Variants in CADPS observed in about 807,000 individuals in gnomAD.
The protein encoded by CADPS is calcium-dependent secretion activator 1.
A neutral mutation model predicts 167.3 loss-of-function variants in CADPS; 57 were observed. The observed-to-expected ratio is 0.34, with a 90% CI of 0.28 to 0.42. The LOEUF is 0.42. Ranked by LOEUF, CADPS falls within the 20% of genes least tolerant of loss-of-function variation. CADPS has a pLI of 1.00. For missense variants in CADPS, 1,414 were observed against 1,738.1 expected (o/e 0.81, Z 3.32); for synonymous variants, 676 against 635.3 (o/e 1.06, Z -0.96).
At chr3:62,491,540 CACACACACACACACACAA>C (rs928658703) in intron 20 of CADPS, 60 bp from the exon 21 acceptor site, 25 of 1,025,684 alleles carry the variant, frequency 2.4e-5, no homozygotes, top group Non-Finnish European at 3.1e-5. Flanking sequence ...ACGTACAACA[CACACACACACACACACAA>C]ACACACACAC....
intron 28 of CADPS, among the ~76,000 whole-genome samples, chr3:62,416,177 G>A (rs1359169147): frequency 6.6e-6 from 1 of 152,138 alleles, no homozygotes. Flanking sequence ...AGGTGACGGT[G>A]GGGTGGATTT....
At chr3:62,803,396 T>TCCTCTCA (rs1221521861) in intron 1 of CADPS, among the ~76,000 whole-genome samples, 10 of 151,492 alleles carry the variant, frequency 6.6e-5, no homozygotes, top group African/African-American at 2.4e-4. Context: ...GCTCACCTCT[T>TCCTCTCA]CCTCAGGGCT....
At chr3:62,576,034 G>T (rs2082200149) in intron 8 of CADPS, among the ~76,000 whole-genome samples, 1 of 152,174 alleles carries the variant, frequency 6.6e-6, no homozygotes, top group Admixed American at 6.5e-5. Context: ...CATTAAATAG[G>T]ATACACAGTA....
Position 62,399,353 on chromosome 3 carries a change from G to T in CADPS, c.*53C>A. 6.4e-7 allele frequency: 1 copy of T among 1,554,800 alleles called. No individual in the cohort carries two copies. The highest frequency in any genetic ancestry group is 8.9e-7 in the Non-Finnish European group (1 of 1,129,156). ...CTAATGGGTTTAACTAACAGACTAA[G>T]GACATGCACTGATTACAGGACTCTG... On this transcript the variant is annotated 3_prime_UTR_variant, in exon 30 of 30. Transcript: ENST00000383710. The surrounding 1 kb of genome is among the most constrained non-coding windows in gnomAD (Gnocchi z 5.6).
intron 8 of CADPS, among the ~76,000 whole-genome samples, chr3:62,577,975 G>C (rs1049700764): frequency 6.6e-6 from 1 of 152,064 alleles, no homozygotes; most frequent in African/African-American, 2.4e-5. Context: ...AAAATAAAAA[G>C]CAAGGATGAC....
At chr3:62,477,909 G>T (rs927565478) in intron 23 of CADPS, 110 of 204,336 alleles carry the variant, frequency 5.4e-4, no homozygotes, top group Admixed American at 3.0e-3. Context: ...CCTTCTAATT[G>T]TCCACTCAGG....
rs2078766214 is a variant in CADPS, at chr3:62,559,496, GA to G, written c.1645-1984del. On this transcript the variant is annotated intron_variant, in intron 9 of 29. Transcript: ENST00000383710. Reference sequence around the variant, plus strand: ...GATACTGCTGGAACGGTCCCATGGGGAATTTTTTTTTTTTTTAGATGGAGTT... The same window carrying G: ...GATACTGCTGGAACGGTCCCATGGGGATTTTTTTTTTTTTTAGATGGAGTT... Among the ~76,000 whole-genome samples, 2 of 151,702 alleles carry G rather than the reference GA, an allele frequency of 1.3e-5. 1 individual carries two copies. Among genetic ancestry groups the G allele is most frequent in the South Asian group, 4.2e-4 (2 of 4,798 alleles).
intron 2 of CADPS, among the ~76,000 whole-genome samples, chr3:62,756,328 A>C (rs1166167146): frequency 6.6e-6 from 1 of 152,184 alleles, no homozygotes; most frequent in African/African-American, 2.4e-5. Flanking sequence ...GGGCTTCCCA[A>C]AGAGTTGGGA....
At chr3:62,712,643 AT>A (rs1318643638) in intron 3 of CADPS, among the ~76,000 whole-genome samples, 4 of 152,218 alleles carry the variant, frequency 2.6e-5, no homozygotes, top group Non-Finnish European at 5.9e-5. Flanking sequence ...AACATTTGCT[AT>A]TTATATAAAA....
chr3:62,541,270 T>G (rs144367405), intron 11 of CADPS, among the ~76,000 whole-genome samples: 1 of 152,186 alleles, frequency 6.6e-6, no homozygotes, highest in Non-Finnish European at 1.5e-5. Flanking sequence ...GATGTACTGA[T>G]GTACTGACAG....
chr3:62,654,954 C>T (rs1307653026), intron 4 of CADPS, among the ~76,000 whole-genome samples: 1 of 152,084 alleles, frequency 6.6e-6, no homozygotes, highest in East Asian at 1.9e-4. Flanking sequence ...TCACTCAGTG[C>T]CTTTTAACTC....
chr3:62,783,889 C>T (rs1401189329), intron 1 of CADPS, among the ~76,000 whole-genome samples: 1 of 152,110 alleles, frequency 6.6e-6, no homozygotes, highest in Non-Finnish European at 1.5e-5. Flanking sequence ...GAGAGAAATA[C>T]ACACAAATGC....
At chr3:62,585,091 T>A in intron 8 of CADPS, 94 bp downstream of exon 8, 1 of 1,173,362 alleles carries the variant, frequency 8.5e-7, no homozygotes, top group Non-Finnish European at 1.2e-6. Context: ...TCCTTCTACA[T>A]AGTTCTCTGA....
intron 13 of CADPS, among the ~76,000 whole-genome samples, chr3:62,525,679 A>ATGTGTGTGTGTGTGTGTGTGTGTGTG (rs34729200): frequency 3.4e-5 from 5 of 148,802 alleles, no homozygotes; most frequent in African/African-American, 1.2e-4. Context: ...TAATGTCATT[A>ATGTGTGTGTGTGTGTGTGTGTGTGTG]TGTGTGTGTG....
chr3:62,768,493 A>G (rs922771186), intron 1 of CADPS, among the ~76,000 whole-genome samples: 1 of 152,150 alleles, frequency 6.6e-6, no homozygotes, highest in Non-Finnish European at 1.5e-5. Flanking sequence ...ACCCAGGCCA[A>G]ATCTATTATC....
intron 1 of CADPS, among the ~76,000 whole-genome samples, chr3:62,803,265 G>A (rs1281981843): frequency 6.6e-6 from 1 of 151,446 alleles, no homozygotes; most frequent in Non-Finnish European, 1.5e-5. Context: ...CACAGAGAAA[G>A]CTTATTAAAG....
intron 3 of CADPS, among the ~76,000 whole-genome samples, chr3:62,687,207 T>A (rs2078211113): frequency 6.6e-6 from 1 of 152,108 alleles, no homozygotes; most frequent in South Asian, 2.1e-4. Flanking sequence ...CTCCCATCTG[T>A]TCTTGTTTTT....
intron 6 of CADPS, among the ~76,000 whole-genome samples, chr3:62,610,881 AG>A (rs747889379): frequency 6.4e-5 from 9 of 139,718 alleles, no homozygotes; most frequent in Admixed American, 5.7e-4. Flanking sequence ...CTTAATTGGG[AG>A]GGGGGTGTGG....
At chr3:62,846,297 T>A (rs926951926) in intron 1 of CADPS, among the ~76,000 whole-genome samples, 1 of 152,214 alleles carries the variant, frequency 6.6e-6, no homozygotes, top group African/African-American at 2.4e-5. Context: ...GGTTCAATTT[T>A]CTGGGAAGAC....
Sources: gnomAD v4.1 joint callset for allele counts (sites outside exome capture counted in the v4.1 genomes callset) on GRCh38, gnomAD v4.1.1 for gene constraint, Gnocchi (gnomAD v3.1) non-coding constraint, MANE v1.5 for transcripts, NCBI Gene and HGNC (gene_info 2026-07-23, HGNC 2026-07-21) for gene names.